The following LUZP2 variants were observed in gnomAD, a reference collection of about 807,000 sequenced individuals.
LUZP2 encodes the protein leucine zipper protein 2.
Under a neutral mutation model 51.6 loss-of-function variants are expected in LUZP2, and 52 were observed. The observed-to-expected ratio is 1.01, with a 90% CI of 0.81 to 1.27. The LOEUF (loss-of-function observed/expected upper bound fraction) is 1.27. LUZP2 is among the 50% of genes most tolerant of loss of function. LUZP2 has a pLI of 0.00. For missense variants in LUZP2, 436 were observed against 395.4 expected (o/e 1.10, Z -0.87); for synonymous variants, 154 against 137.3 (o/e 1.12, Z -0.85).
intron 9 of LUZP2, among the ~76,000 whole-genome samples, chr11:25,004,809 G>A (rs1423507066): frequency 6.6e-6 from 1 of 152,114 alleles, no homozygotes; most frequent in African/African-American, 2.4e-5. Context: ...ATCCATACTG[G>A]GGATGGTATG....
At chr11:24,937,878 G>A (rs941642626) in intron 7 of LUZP2, among the ~76,000 whole-genome samples, 1 of 150,572 alleles carries the variant, frequency 6.6e-6, no homozygotes. Context: ...TCCAGCCTGG[G>A]CGACAGGGCA....
intron 5 of LUZP2, among the ~76,000 whole-genome samples, chr11:24,803,980 A>G (rs1212053412): frequency 1.3e-5 from 2 of 149,182 alleles, no homozygotes. Flanking sequence ...AGTACAAACA[A>G]GCAAGTGCCA....
intron 9 of LUZP2, among the ~76,000 whole-genome samples, chr11:25,048,559 G>T (rs1858391693): frequency 6.6e-6 from 1 of 152,054 alleles, no homozygotes; most frequent in Admixed American, 6.6e-5. Flanking sequence ...TTGTTCATTG[G>T]CTTGATTTAA....
intron 1 of LUZP2, among the ~76,000 whole-genome samples, chr11:24,506,266 T>A (rs1850143575): frequency 6.6e-6 from 1 of 152,126 alleles, no homozygotes; most frequent in Non-Finnish European, 1.5e-5. Flanking sequence ...TTTTTCTTTA[T>A]ATATAATTTT....
chr11:24,955,306 A>C lies in LUZP2; in HGVS notation c.523-21285A>C, dbSNP rs190552334. ...ATAACTGACCTTATACTGAGTGTTA[A>C]AAATATCTGGTAAATGAAGGTGTGA... On this transcript the variant is annotated intron_variant, in intron 7 of 11. Transcript: ENST00000336930. Among the ~76,000 whole-genome samples the C allele has an allele frequency of 4.0e-3, 602 of 152,142 alleles. 1 individual carries two copies. The highest frequency in any genetic ancestry group is 7.1e-3 in the Non-Finnish European group (481 of 67,950).
At chr11:25,026,509 A>G (rs1256389712) in intron 9 of LUZP2, among the ~76,000 whole-genome samples, 1 of 150,600 alleles carries the variant, frequency 6.6e-6, no homozygotes, top group African/African-American at 2.4e-5. Context: ...GGTTAAAAGA[A>G]CTTAAGCTTA....
intron 5 of LUZP2, among the ~76,000 whole-genome samples, chr11:24,792,580 T>C (rs954633566): frequency 3.9e-5 from 6 of 152,142 alleles, no homozygotes; most frequent in African/African-American, 1.4e-4. Context: ...TTATAATCTC[T>C]GACCTACAGG....
chr11:24,502,499 T>C (rs1378189166), intron 1 of LUZP2, among the ~76,000 whole-genome samples: 2 of 152,228 alleles, frequency 1.3e-5, no homozygotes, highest in African/African-American at 4.8e-5. Context: ...ATTCTCTGCC[T>C]CAGCCTCCTG....
intron 5 of LUZP2, among the ~76,000 whole-genome samples, chr11:24,812,847 G>A: frequency 6.6e-6 from 1 of 152,138 alleles, no homozygotes; most frequent in East Asian, 1.9e-4. Flanking sequence ...TTTCATACAG[G>A]CTCGCTAGGC....
intron 5 of LUZP2, among the ~76,000 whole-genome samples, chr11:24,805,581 A>G (rs1849830755): frequency 6.6e-6 from 1 of 152,154 alleles, no homozygotes; most frequent in African/African-American, 2.4e-5. Context: ...GTTGACTTAC[A>G]TAAGCTAAGC....
At chr11:24,787,513 A>G (rs1034497752) in intron 5 of LUZP2, among the ~76,000 whole-genome samples, 2 of 152,156 alleles carry the variant, frequency 1.3e-5, no homozygotes, top group Admixed American at 1.3e-4. Context: ...TCCTATTGTC[A>G]GGTGATTGTT....
At chr11:25,049,970 A>G in intron 9 of LUZP2, 68 bp from the exon 10 acceptor site, 1 of 822,886 alleles carries the variant, frequency 1.2e-6, no homozygotes, top group Non-Finnish European at 1.9e-6. Context: ...ATTTGGATCT[A>G]TTTGTTCAAA....
intron 1 of LUZP2, among the ~76,000 whole-genome samples, chr11:24,714,072 C>T (rs995183617): frequency 2.7e-4 from 41 of 151,670 alleles, no homozygotes; most frequent in African/African-American, 9.5e-4. Context: ...AGTATAAAAA[C>T]TACTTACATA....
chr11:24,839,278 C>T (rs1258572404), intron 5 of LUZP2, among the ~76,000 whole-genome samples: 3 of 151,618 alleles, frequency 2.0e-5, no homozygotes, highest in Non-Finnish European at 3.0e-5. Flanking sequence ...TATTGCAAGC[C>T]TGATTTTCAA....
At chr11:24,667,830 C>T (rs1190605953) in intron 1 of LUZP2, among the ~76,000 whole-genome samples, 1 of 152,166 alleles carries the variant, frequency 6.6e-6, no homozygotes, top group Non-Finnish European at 1.5e-5. Context: ...ATTGACCCCT[C>T]AGCAATGAAA....
chr11:24,736,089 A>G (rs1263743079), intron 3 of LUZP2, among the ~76,000 whole-genome samples: 3 of 151,944 alleles, frequency 2.0e-5, no homozygotes, highest in Admixed American at 6.6e-5. Context: ...AGAATTCTCT[A>G]TCTTTTCCAG....
At chr11:24,960,405 TTGA>T (rs1438588527) in intron 7 of LUZP2, among the ~76,000 whole-genome samples, 8 of 152,188 alleles carry the variant, frequency 5.3e-5, no homozygotes, top group African/African-American at 1.9e-4. Context: ...TGGTAAGCTA[TTGA>T]TTATTGCCTC....
chr11:24,629,231 C>T (rs1320766061), intron 1 of LUZP2, among the ~76,000 whole-genome samples: 1 of 151,622 alleles, frequency 6.6e-6, no homozygotes, highest in Non-Finnish European at 1.5e-5. Context: ...ACCCACTTCA[C>T]CACTCTGTTA....
chr11:24,843,893 T>A (rs1198199302), intron 5 of LUZP2, among the ~76,000 whole-genome samples: 1 of 152,202 alleles, frequency 6.6e-6, no homozygotes, highest in East Asian at 1.9e-4. Flanking sequence ...TGTGACTTGC[T>A]CCTCATTATG....
Sources: allele counts gnomAD v4.1 joint callset (sites outside exome capture counted in the v4.1 genomes callset), GRCh38; gene constraint gnomAD v4.1.1; transcripts MANE v1.5; gene names NCBI Gene and HGNC (gene_info 2026-07-23, HGNC 2026-07-21).